Variants in DOCK3 observed in about 807,000 individuals in gnomAD.
DOCK3 encodes the protein dedicator of cytokinesis 3.
DOCK3 carries 60 observed loss-of-function variants against 265.6 expected under a neutral mutation model. That is an observed-to-expected ratio of 0.23 (90% CI 0.18 to 0.28). The LOEUF (loss-of-function observed/expected upper bound fraction) is 0.28. Among genes scored for constraint, DOCK3 ranks in the 10% least tolerant of loss-of-function variants. The pLI is 1.00. For missense variants in DOCK3, 1,981 were observed against 2,594.3 expected, an observed-to-expected ratio of 0.76 and a Z score of 5.14; for synonymous variants, 881 against 938.0, an observed-to-expected ratio of 0.94 and a Z score of 1.11.
intron 1 of DOCK3, among the ~76,000 whole-genome samples, chr3:50,716,384 T>C (rs1245201871): frequency 6.6e-6 from 1 of 151,822 alleles, no homozygotes; most frequent in Non-Finnish European, 1.5e-5. Flanking sequence ...AAAAATCAGC[T>C]GGGTGTGGTG....
At chr3:50,725,585 T>C (rs148806358) in intron 1 of DOCK3, among the ~76,000 whole-genome samples, 4 of 152,242 alleles carry the variant, frequency 2.6e-5, no homozygotes, top group Middle Eastern at 3.4e-3. Flanking sequence ...GAATGCTTAA[T>C]GAAGAAAGAG....
At chr3:50,894,733 T>C (rs2048813763) in intron 4 of DOCK3, among the ~76,000 whole-genome samples, 2 of 152,120 alleles carry the variant, frequency 1.3e-5, no homozygotes, top group South Asian at 2.1e-4. Flanking sequence ...GAATTAAAAT[T>C]GTCAGGTTTT....
intron 9 of DOCK3, among the ~76,000 whole-genome samples, chr3:51,129,799 T>C (rs982624696): frequency 6.6e-6 from 1 of 152,212 alleles, no homozygotes; most frequent in Non-Finnish European, 1.5e-5. Context: ...CTATCTGCCA[T>C]TGACACCTCA....
At position 50,989,920 on chromosome 3, in the gene DOCK3, G is replaced by A. The variant is rs59914222; in HGVS notation, c.315+55843G>A. On this transcript the variant is annotated intron_variant, in intron 5 of 52. Coordinates refer to ENST00000266037, the MANE Select transcript of DOCK3 (RefSeq NM_004947.5). Reference sequence around the variant, plus strand: ...AGAAAAATCACAATAAAGTGATACAGGAGCTGAAGGACAAAATAGCTGATA... The same window carrying A: ...AGAAAAATCACAATAAAGTGATACAAGAGCTGAAGGACAAAATAGCTGATA... 6.4e-3 allele frequency among the ~76,000 whole-genome samples: 973 copies of A among 152,256 alleles called. 12 individuals carry two copies. Among genetic ancestry groups the A allele is most frequent in the African/African-American group, 0.023 (937 of 41,528 alleles).
chr3:51,077,161 G>A (rs938844760), intron 7 of DOCK3, among the ~76,000 whole-genome samples: 1 of 152,146 alleles, frequency 6.6e-6, no homozygotes, highest in Non-Finnish European at 1.5e-5. Flanking sequence ...TAAGAATGTA[G>A]ATGTTTGGAA....
At chr3:51,134,482 C>T (rs2084704890) in intron 9 of DOCK3, among the ~76,000 whole-genome samples, 1 of 152,112 alleles carries the variant, frequency 6.6e-6, no homozygotes. Flanking sequence ...CAAGTTTCTG[C>T]TTGTTCTTAA....
At chr3:50,773,064 C>A (rs1338948710) in intron 1 of DOCK3, among the ~76,000 whole-genome samples, 1 of 152,130 alleles carries the variant, frequency 6.6e-6, no homozygotes, top group Non-Finnish European at 1.5e-5. Context: ...GTATCCCAAA[C>A]AGTGTGGTAC....
intron 5 of DOCK3, among the ~76,000 whole-genome samples, chr3:51,050,109 C>T (rs939555424): frequency 6.6e-5 from 10 of 152,094 alleles, no homozygotes; most frequent in African/African-American, 2.2e-4. Flanking sequence ...ATTAGCTGGG[C>T]GTGGTAGCTT....
chr3:51,232,147 T>A (rs989161245), intron 19 of DOCK3, among the ~76,000 whole-genome samples: 3 of 152,150 alleles, frequency 2.0e-5, no homozygotes, highest in African/African-American at 2.4e-5. Flanking sequence ...TGTTTTTTTT[T>A]ATAGTTATTG....
chr3:51,337,509 C>T (rs2084951300), intron 35 of DOCK3, among the ~76,000 whole-genome samples: 1 of 152,164 alleles, frequency 6.6e-6, no homozygotes. Context: ...TACACAGCTG[C>T]ACAAGAAACT....
intron 5 of DOCK3, among the ~76,000 whole-genome samples, chr3:50,982,491 G>A (rs2077729309): frequency 6.6e-6 from 1 of 152,094 alleles, no homozygotes; most frequent in Admixed American, 6.5e-5. Flanking sequence ...CAGCATTGGT[G>A]GTGGTGGGAC....
chr3:50,868,077 T>TC (rs1382050765), intron 3 of DOCK3, among the ~76,000 whole-genome samples: 1 of 149,222 alleles, frequency 6.7e-6, no homozygotes, highest in African/African-American at 2.4e-5. Context: ...CTGGGAGACT[T>TC]CTTTTTTTTT....
At chr3:51,036,048 T>G (rs539675155) in intron 5 of DOCK3, among the ~76,000 whole-genome samples, 1 of 152,296 alleles carries the variant, frequency 6.6e-6, no homozygotes, top group African/African-American at 2.4e-5. Context: ...GTAGATGTCC[T>G]TAGGGCAAAG....
At chr3:50,719,637 A>T in intron 1 of DOCK3, 2 of 1,567,920 alleles carry the variant, frequency 1.3e-6, no homozygotes, top group South Asian at 2.2e-5. Context: ...GGCAGTGCAG[A>T]TGAAAAACTG....
intron 12 of DOCK3, among the ~76,000 whole-genome samples, chr3:51,203,053 C>A (rs748171193): frequency 1.3e-5 from 2 of 152,148 alleles, no homozygotes; most frequent in Non-Finnish European, 2.9e-5. Context: ...AAACCCACAG[C>A]CAATATCATA....
chr3:50,711,107 T>C (rs2036734686), intron 1 of DOCK3, among the ~76,000 whole-genome samples: 1 of 152,128 alleles, frequency 6.6e-6, no homozygotes, highest in Admixed American at 6.6e-5. Context: ...ACTATTGAAA[T>C]AAAAAAGGCC....
intron 52 of DOCK3, among the ~76,000 whole-genome samples, chr3:51,380,728 C>T (rs1033875541): frequency 6.6e-6 from 1 of 151,388 alleles, no homozygotes; most frequent in Non-Finnish European, 1.5e-5. Context: ...TCTTTCTGCC[C>T]CTCCTCAACA....
intron 4 of DOCK3, among the ~76,000 whole-genome samples, chr3:50,928,212 C>T (rs371784184): frequency 1.9e-4 from 28 of 151,348 alleles, no homozygotes; most frequent in East Asian, 1.7e-3. Flanking sequence ...CAAATACATT[C>T]ACAATGTTGT....
chr3:51,024,070 G>C (rs2079709173), intron 5 of DOCK3, among the ~76,000 whole-genome samples: 1 of 151,858 alleles, frequency 6.6e-6, no homozygotes, highest in East Asian at 1.9e-4. Flanking sequence ...TTACTTTAAG[G>C]GTCTGACTTC....
Sources: gnomAD v4.1 joint callset for allele counts (sites outside exome capture counted in the v4.1 genomes callset) on GRCh38, gnomAD v4.1.1 for gene constraint, MANE v1.5 for transcripts, NCBI Gene and HGNC (gene_info 2026-07-23, HGNC 2026-07-21) for gene names.